The following SLCO1B1 variants were observed in gnomAD, a reference collection of about 807,000 sequenced individuals.
SLCO1B1 encodes solute carrier organic anion transporter family member 1B1.
In SLCO1B1, 81 loss-of-function variants were observed where a neutral mutation model predicts 70.1. The ratio of observed to expected loss-of-function variants is 1.16; its 90% CI spans 0.97 to 1.39. The LOEUF (loss-of-function observed/expected upper bound fraction) is 1.39. Among genes scored for constraint, SLCO1B1 ranks in the 40% most tolerant of loss-of-function variants. The pLI is 0.00. For missense variants in SLCO1B1, 895 were observed against 799.6 expected (o/e 1.12, Z -1.44); for synonymous variants, 283 against 271.5 (o/e 1.04, Z -0.42).
intron 14 of SLCO1B1, among the ~76,000 whole-genome samples, chr12:21,232,768 A>G (rs1044706137): frequency 6.6e-5 from 10 of 152,112 alleles, no homozygotes; most frequent in Non-Finnish European, 1.5e-4. Flanking sequence ...AGAGAGACAG[A>G]GACCAGAAGC....
At position 21,200,688 on chromosome 12, in the gene SLCO1B1, T is replaced by G. The variant is rs779430492; in HGVS notation, c.1135+16T>G. 6.2e-7 allele frequency: 1 copy of G among 1,606,116 alleles called. No homozygotes were observed. The highest frequency in any genetic ancestry group is 8.5e-7 in the Non-Finnish European group (1 of 1,174,426). Reference sequence around the variant, plus strand: ...ATCTTATTGGGTAAGACATATTTTTTACTTGTGTGCTTAATAAGTGAAATA... The same window carrying G: ...ATCTTATTGGGTAAGACATATTTTTGACTTGTGTGCTTAATAAGTGAAATA... On this transcript the variant is annotated intron_variant, in intron 9 of 14. Coordinates refer to ENST00000256958, the MANE Select transcript of SLCO1B1 (RefSeq NM_006446.5).
intron 12 of SLCO1B1, among the ~76,000 whole-genome samples, chr12:21,218,141 G>A (rs11045870): frequency 0.13 from 20,388 of 152,090 alleles, 1,693 homozygotes; most frequent in Non-Finnish European, 0.18. Flanking sequence ...TCCAGGAGAG[G>A]GTCTTGGTGC....
intron 2 of SLCO1B1, among the ~76,000 whole-genome samples, chr12:21,170,385 A>G (rs1201595104): frequency 2.0e-5 from 3 of 150,564 alleles, no homozygotes; most frequent in Non-Finnish European, 4.4e-5. Flanking sequence ...GGCATTTAGT[A>G]CATATGTTGT....
At chr12:21,174,478 C>T (rs1258298455) in intron 3 of SLCO1B1, 99 bp from the exon 4 acceptor site, 4 of 1,084,520 alleles carry the variant, frequency 3.7e-6, no homozygotes, top group African/African-American at 1.6e-5. Flanking sequence ...TGAGGGAAGG[C>T]ACTATGTCTT....
intron 2 of SLCO1B1, among the ~76,000 whole-genome samples, chr12:21,152,212 G>T (rs1940479757): frequency 6.6e-6 from 1 of 151,844 alleles, no homozygotes; most frequent in Non-Finnish European, 1.5e-5. Context: ...CTACGATGTT[G>T]TGACATTATA....
intron 1 of SLCO1B1, among the ~76,000 whole-genome samples, chr12:21,133,897 C>A (rs559554917): frequency 3.9e-4 from 59 of 152,296 alleles, no homozygotes; most frequent in Admixed American, 1.8e-3. Context: ...GAGAGGGCAT[C>A]CCTGTCTTGT....
Position 21,152,533 on chromosome 12 carries a change from C to CTTTTTTTTTTGTTTTTTTTTTTTTTTTT in SLCO1B1, c.84+10885_84+10886insGTTTTTTTTTTTTTTTTTTTTTTTTTTT, listed in dbSNP as rs1940485632. On this transcript the variant is annotated intron_variant, in intron 2 of 14. Transcript: ENST00000256958. ...TTGCTAAGGTGTGGGAGAGGAGAGG[C>CTTTTTTTTTTGTTTTTTTTTTTTTTTTT]TTTTTTTTTTTTTTTTTTGCCTCTG... Among the ~76,000 whole-genome samples, 2 of 34,358 alleles carry CTTTTTTTTTTGTTTTTTTTTTTTTTTTT rather than the reference C, an allele frequency of 5.8e-5. 1 individual carries two copies. Among genetic ancestry groups the CTTTTTTTTTTGTTTTTTTTTTTTTTTTT allele is most frequent in the Non-Finnish European group, 1.0e-4 (2 of 19,386 alleles). The allele number at this position is 34,358 out of a possible 152,430, so 22.5% of individuals were successfully genotyped here.
Position 21,172,631 on chromosome 12 carries a change from T to C in SLCO1B1, c.85-19T>C, listed in dbSNP as rs765260100. ...CCTTCGATTAACCATTTTCCCCCTT[T>C]CCTTCTGATTTTTCTTAGATGTTCT... On this transcript the variant is annotated intron_variant, in intron 2 of 14. Transcript: ENST00000256958. 1.2e-6 allele frequency: 2 copies of C among 1,613,440 alleles called. No individual in the cohort carries two copies. The highest frequency in any genetic ancestry group is 1.7e-6 in the Non-Finnish European group (2 of 1,179,726).
At chr12:21,135,902 A>T (rs1940213764) in intron 1 of SLCO1B1, among the ~76,000 whole-genome samples, 1 of 152,012 alleles carries the variant, frequency 6.6e-6, no homozygotes, top group South Asian at 2.1e-4. Flanking sequence ...TATTTTGCTC[A>T]TTAGTTGATG....
intron 2 of SLCO1B1, among the ~76,000 whole-genome samples, chr12:21,143,517 A>G (rs1175627162): frequency 6.6e-6 from 1 of 152,038 alleles, no homozygotes; most frequent in African/African-American, 2.4e-5. Flanking sequence ...TTAGTGTTTT[A>G]CTTTTGCTAA....
At position 21,213,996 on chromosome 12, in the gene SLCO1B1, T is replaced by C. The variant is rs1451880426; in HGVS notation, c.1498-3123T>C. Among the ~76,000 whole-genome samples the C allele has an allele frequency of 2.0e-5, 3 of 151,878 alleles. No homozygotes were observed. The East Asian group carries it at 5.9e-4, about 30-fold the overall frequency. On this transcript the variant is annotated intron_variant, in intron 11 of 14. Transcript: ENST00000256958. ...TTTTTTTCAAAGTTTTCAACTTCTT[T>C]GCCTTTGGTTTGAATGTCCTCCTGT... is the stretch of plus-strand genomic sequence containing the variant.
Position 21,170,869 on chromosome 12 carries a change from G to T in SLCO1B1, c.85-1781G>T, listed in dbSNP as rs570650557. ...ATTTTGTCGGCTATCAAAGAGTTTT[G>T]TTGGGCCTTTTATCTCTGTCCCCCA... On this transcript the variant is annotated intron_variant, in intron 2 of 14. Transcript: ENST00000256958. 7.2e-5 allele frequency among the ~76,000 whole-genome samples: 11 copies of T among 152,294 alleles called. No individual in the cohort carries two copies. In the East Asian group the frequency reaches 1.5e-3, roughly 21 times the overall value.
At chr12:21,238,854 G>T in intron 14 of SLCO1B1, 125 bp from the exon 15 acceptor site, 1 of 531,954 alleles carries the variant, frequency 1.9e-6, no homozygotes, top group South Asian at 2.7e-5. Flanking sequence ...AGAATTATTA[G>T]AATTATTGTC....
chr12:21,209,328 A>G (rs1306413870), intron 11 of SLCO1B1, among the ~76,000 whole-genome samples: 1 of 151,684 alleles, frequency 6.6e-6, no homozygotes, highest in Non-Finnish European at 1.5e-5. Context: ...TTGTTCTTGC[A>G]ACAGTTTACT....
chr12:21,174,482 A>G (rs1565673044), intron 3 of SLCO1B1, 95 bp from the exon 4 acceptor site: 4 of 1,172,822 alleles, frequency 3.4e-6, no homozygotes, highest in Non-Finnish European at 5.0e-6. Context: ...GGAAGGCACT[A>G]TGTCTTGGAC....
Position 21,217,174 on chromosome 12 carries a change from C to G in SLCO1B1, c.1553C>G (p.Ser518Ter), listed in dbSNP as rs773226433. The stretch of plus-strand genomic sequence containing the variant: ...ACTGGTCTCCAGAACAGAAATTACT[C>G]AGCCCATTTGGGTGAATGCCCAAGA... The part of the protein sequence containing the change: ...EVTGLQNRNY[S>*]AHLGECPRDD... The change falls in exon 12 of 15, where the codon TCA (serine) becomes TGA (stop). Residue 518 changes from serine (S) to a stop codon, truncating the protein, a stop_gained. Transcript: ENST00000256958. LOFTEE classifies it high-confidence loss of function. The G allele has an allele frequency of 3.7e-6, 6 of 1,613,722 alleles. No homozygotes were observed. The highest frequency in any genetic ancestry group is 5.1e-6 in the Non-Finnish European group (6 of 1,179,702).
intron 8 of SLCO1B1, among the ~76,000 whole-genome samples, chr12:21,197,932 C>T (rs1270999899): frequency 6.6e-6 from 1 of 152,056 alleles, no homozygotes; most frequent in Non-Finnish European, 1.5e-5. Flanking sequence ...AGTCAATAAA[C>T]AAAGAGAATG....
At chr12:21,209,402 G>A (rs1444600903) in intron 11 of SLCO1B1, among the ~76,000 whole-genome samples, 1 of 152,058 alleles carries the variant, frequency 6.6e-6, no homozygotes, top group East Asian at 1.9e-4. Flanking sequence ...CATTTTTTAT[G>A]GCTGCATAGT....
intron 12 of SLCO1B1, among the ~76,000 whole-genome samples, chr12:21,219,674 G>A (rs1941399460): frequency 6.6e-6 from 1 of 152,094 alleles, no homozygotes; most frequent in Non-Finnish European, 1.5e-5. Context: ...GCTTGATTGA[G>A]AATGCTGATA....
Sources: gnomAD v4.1 joint callset for allele counts (sites outside exome capture counted in the v4.1 genomes callset) on GRCh38, gnomAD v4.1.1 for gene constraint, MANE v1.5 for transcripts, NCBI Gene and HGNC (gene_info 2026-07-23, HGNC 2026-07-21) for gene names.